Variants in PUM2 observed in about 807,000 individuals in gnomAD.
PUM2 encodes pumilio RNA binding family member 2.
A neutral mutation model predicts 124.5 loss-of-function variants in PUM2; 57 were observed. The ratio of observed to expected loss-of-function variants is 0.46; its 90% CI spans 0.37 to 0.57. The LOEUF (loss-of-function observed/expected upper bound fraction) is 0.57. PUM2 is among the 20% of genes least tolerant of loss of function. The pLI is 0.00. For synonymous variants in PUM2, 460 were observed against 446.1 expected (o/e 1.03, Z -0.39); for missense variants, 1,065 against 1,290.6 (o/e 0.83, Z 2.68).
At chr2:20,257,632 C>T (rs1665129142) in intron 16 of PUM2, among the ~76,000 whole-genome samples, 1 of 152,038 alleles carries the variant, frequency 6.6e-6, no homozygotes, top group Non-Finnish European at 1.5e-5. Context: ...TATCTTCATC[C>T]CCTACTCTCA....
chr2:20,311,371 G>C, intron 5 of PUM2, 123 bp downstream of exon 5: 1 of 1,171,060 alleles, frequency 8.5e-7, no homozygotes, highest in Non-Finnish European at 1.1e-6. Flanking sequence ...AATTTGTCCA[G>C]ATTAACACAA....
chr2:20,295,026 A>G (rs2148260248), intron 8 of PUM2, among the ~76,000 whole-genome samples: 1 of 152,326 alleles, frequency 6.6e-6, no homozygotes, highest in East Asian at 1.9e-4. Flanking sequence ...TATTTTTCAT[A>G]TTTCAGTCAC....
chr2:20,332,869 C>G (rs976595196), intron 1 of PUM2: 8 of 152,058 alleles, frequency 5.3e-5, no homozygotes, highest in African/African-American at 1.7e-4. Flanking sequence ...GCACCATGTA[C>G]TGCTTGGGGT....
At chr2:20,290,873 CA>C (rs1452591824) in intron 9 of PUM2, 83 bp from the exon 10 acceptor site, 4 of 1,115,822 alleles carry the variant, frequency 3.6e-6, no homozygotes, top group Non-Finnish European at 4.9e-6. Flanking sequence ...GTATTTATTA[CA>C]AACAGCCTTT....
chr2:20,254,763 C>A, intron 19 of PUM2, 100 bp downstream of exon 19: 1 of 1,221,554 alleles, frequency 8.2e-7, no homozygotes, highest in Non-Finnish European at 1.1e-6. Context: ...AAAAAAAAGA[C>A]TACAGTTTAA....
rs868191253 is a variant in PUM2, at chr2:20,294,390, G to A, written c.1138C>T (p.Pro380Ser). 1.9e-6 allele frequency: 3 copies of A among 1,613,950 alleles called. No homozygotes were observed. In the African/African-American group the frequency reaches 4.0e-5, roughly 22 times the overall value. ...GGAAGGCCTACCTGTTGCTGTCCAG[G>A]CTGAGCTTGTGATGCTGCTTGCTGA... is the stretch of plus-strand genomic sequence containing the variant. ...ASQQAASQAQPGQQQVLRAGA... is the reference protein window; with the variant it reads ...ASQQAASQAQSGQQQVLRAGA... Residue 380 changes from proline (P) to serine (S), a missense_variant, in exon 9 of 21, where the codon CCT (proline) becomes TCT (serine). Coordinates refer to ENST00000361078, the MANE Select transcript of PUM2 (RefSeq NM_015317.5).
intron 1 of PUM2, among the ~76,000 whole-genome samples, chr2:20,329,110 A>G (rs1471647571): frequency 1.3e-5 from 2 of 151,412 alleles, no homozygotes; most frequent in Non-Finnish European, 2.9e-5. Flanking sequence ...GGTCAAGGCT[A>G]CAGCAGTAAA....
At chr2:20,277,333 A>G (rs887845601) in intron 13 of PUM2, among the ~76,000 whole-genome samples, 2 of 152,148 alleles carry the variant, frequency 1.3e-5, no homozygotes, top group Non-Finnish European at 2.9e-5. Context: ...GCGACTAAGA[A>G]TACATGATAA....
chr2:20,335,495 T>C (rs1685804330), intron 1 of PUM2, among the ~76,000 whole-genome samples: 1 of 152,222 alleles, frequency 6.6e-6, no homozygotes, highest in Non-Finnish European at 1.5e-5. Context: ...TGGTAATTTC[T>C]TATTTTTCTG....
intron 1 of PUM2, among the ~76,000 whole-genome samples, chr2:20,334,716 G>C (rs1051007987): frequency 2.5e-4 from 38 of 152,284 alleles, no homozygotes; most frequent in African/African-American, 7.9e-4. Context: ...CTTTCGCTTA[G>C]ACTTTTTGTA....
chr2:20,260,613 G>T (rs1665946822), intron 14 of PUM2, 147 bp from the exon 15 acceptor site: 2 of 626,668 alleles, frequency 3.2e-6, no homozygotes, highest in Non-Finnish European at 4.8e-6. Flanking sequence ...CAGCAAAAAG[G>T]ACAAAAGTTA....
intron 3 of PUM2, among the ~76,000 whole-genome samples, chr2:20,314,137 T>TG (rs1205121565): frequency 6.6e-6 from 1 of 152,072 alleles, no homozygotes; most frequent in Non-Finnish European, 1.5e-5. Context: ...CATGAGACCC[T>TG]GCTCCCCACT....
intron 10 of PUM2, among the ~76,000 whole-genome samples, chr2:20,285,148 CGTAT>C (rs1672435373): frequency 6.6e-6 from 1 of 152,196 alleles, no homozygotes; most frequent in Non-Finnish European, 1.5e-5. Flanking sequence ...CTAAATTTTG[CGTAT>C]ATAAATTCCC....
rs536169382 is a variant in PUM2 at position 20,294,333 on chromosome 2, T to C, written c.1152+43A>G. The C allele has an allele frequency of 6.9e-6, 11 of 1,594,976 alleles. No individual in the cohort carries two copies. In the African/African-American group the frequency reaches 1.5e-4, roughly 21 times the overall value. The stretch of plus-strand genomic sequence containing the variant: ...TCTTAAACATTAGGAGCTCAAAGAA[T>C]TTCAAAGAATACTTGGTATTACTTA... On this transcript the variant is annotated intron_variant, in intron 9 of 20. Coordinates refer to ENST00000361078, the MANE Select transcript of PUM2 (RefSeq NM_015317.5).
chr2:20,340,672 T>C (rs1197733218), intron 1 of PUM2, among the ~76,000 whole-genome samples: 2 of 152,232 alleles, frequency 1.3e-5, no homozygotes, highest in Non-Finnish European at 2.9e-5. Flanking sequence ...CTCCAGGTGA[T>C]GCTTTCCCTC....
rs1422828995 is a variant in PUM2, at chr2:20,278,785, T to A, written c.1755A>T (p.Arg585Ser). 1 of 1,613,204 alleles carries A rather than the reference T, an allele frequency of 6.2e-7. No homozygotes were observed. Among genetic ancestry groups the A allele is most frequent in the East Asian group, 2.2e-5 (1 of 44,870 alleles). Residue 585 changes from arginine (R) to serine (S), a missense_variant, in exon 13 of 21, where the codon AGA (arginine) becomes AGT (serine). By Grantham distance (110) the Arg-to-Ser change is moderately radical (BLOSUM62 -1). Around this residue, in one of 3 missense-constraint regions of PUM2, gnomAD observed 968 missense variants for 1,159.8 expected, o/e 0.83. Coordinates refer to ENST00000361078, the MANE Select transcript of PUM2 (RefSeq NM_015317.5). ...GSSASSSATR[R>S]ESLSTSSDLY... Reference sequence around the variant, plus strand: ...AGTCAGAGCTAGTAGATAGAGACTCTCTCCTTGTGGCACTACTACTTGCAG... The same window carrying A: ...AGTCAGAGCTAGTAGATAGAGACTCACTCCTTGTGGCACTACTACTTGCAG...
At chr2:20,336,375 G>A (rs906578015) in intron 1 of PUM2, among the ~76,000 whole-genome samples, 1 of 152,010 alleles carries the variant, frequency 6.6e-6, no homozygotes, top group Admixed American at 6.6e-5. Context: ...TGTAGAGACA[G>A]GGTTTTGCCA....
At position 20,299,763 on chromosome 2, in the gene PUM2, CTG is replaced by C. The variant is rs549292522; in HGVS notation, c.884-2087_884-2086del. ...ATTTTAAAAAATACAAGCCTCAACA[CTG>C]ATTTCTTGTCTAGGCACAACACAGC... On this transcript the variant is annotated intron_variant, in intron 7 of 20. Coordinates refer to ENST00000361078, the MANE Select transcript of PUM2 (RefSeq NM_015317.5). Among the ~76,000 whole-genome samples, 181 of 152,336 alleles carry C rather than the reference CTG, an allele frequency of 1.2e-3. 1 individual carries two copies. The highest frequency in any genetic ancestry group is 0.01 in the South Asian group (50 of 4,828).
chr2:20,251,985 A>G (rs1407906309), intron 20 of PUM2, among the ~76,000 whole-genome samples: 1 of 152,248 alleles, frequency 6.6e-6, no homozygotes, highest in Non-Finnish European at 1.5e-5. Flanking sequence ...AAAGTTACCC[A>G]GTAATTCCAC....
Sources: allele counts gnomAD v4.1 joint callset (sites outside exome capture counted in the v4.1 genomes callset), GRCh38; gene constraint gnomAD v4.1.1; regional missense constraint gnomAD v4.1.1; transcripts MANE v1.5; gene names NCBI Gene and HGNC (gene_info 2026-07-23, HGNC 2026-07-21).